STRN3: variants seen among roughly 807,000 people sequenced by gnomAD.
The protein encoded by STRN3 is striatin-3.
STRN3 carries 29 observed loss-of-function variants against 95.6 expected under a neutral mutation model. The observed-to-expected ratio is 0.30, with a 90% CI of 0.23 to 0.41. STRN3 has a LOEUF of 0.41. Among genes scored for constraint, STRN3 ranks in the 10% least tolerant of loss-of-function variants. The pLI is 1.00. For synonymous variants in STRN3, 331 were observed against 357.6 expected (o/e 0.93, Z 0.84); for missense variants, 890 against 972.1 (o/e 0.92, Z 1.12).
At chr14:30,981,576 T>TCACACACACACACACACACACACA (rs34644271) in intron 1 of STRN3, among the ~76,000 whole-genome samples, 2 of 145,298 alleles carry the variant, frequency 1.4e-5, no homozygotes, top group Admixed American at 6.9e-5. Flanking sequence ...AGCTTAGAAT[T>TCACACACACACACACACACACACA]CACACACACA....
intron 15 of STRN3, among the ~76,000 whole-genome samples, chr14:30,904,859 T>A (rs1012309602): frequency 6.6e-6 from 1 of 151,542 alleles, no homozygotes; most frequent in Non-Finnish European, 1.5e-5. Flanking sequence ...ACAGGAGAAC[T>A]GTGAATAGAA....
At chr14:31,024,054 G>A (rs1448112057) in intron 1 of STRN3, among the ~76,000 whole-genome samples, 1 of 152,176 alleles carries the variant, frequency 6.6e-6, no homozygotes, top group Non-Finnish European at 1.5e-5. Flanking sequence ...AGACCTAGAA[G>A]GGAAAGCAAA....
intron 1 of STRN3, among the ~76,000 whole-genome samples, chr14:30,956,800 G>A (rs145007634): frequency 2.4e-4 from 36 of 152,150 alleles, no homozygotes; most frequent in Admixed American, 6.5e-4. Flanking sequence ...AGATAAATAC[G>A]TCAGAAAATG....
intron 3 of STRN3, among the ~76,000 whole-genome samples, chr14:30,953,405 C>T (rs1879748468): frequency 1.3e-5 from 2 of 152,168 alleles, no homozygotes; most frequent in African/African-American, 2.4e-5. Context: ...TGTGATTAAA[C>T]CATGTTGTCA....
At chr14:30,938,852 T>C (rs751107021) in intron 5 of STRN3, among the ~76,000 whole-genome samples, 1 of 152,162 alleles carries the variant, frequency 6.6e-6, no homozygotes, top group African/African-American at 2.4e-5. Flanking sequence ...CAAATAAGCA[T>C]ATGAACAGAT....
intron 5 of STRN3, 136 bp downstream of exon 5, chr14:30,946,954 G>T: frequency 1.9e-6 from 1 of 539,558 alleles, no homozygotes; most frequent in Non-Finnish European, 2.9e-6. Context: ...ACTCCAGCTT[G>T]GGCGACAAGA....
intron 8 of STRN3, among the ~76,000 whole-genome samples, chr14:30,921,334 T>C (rs1896880171): frequency 6.6e-6 from 1 of 152,334 alleles, no homozygotes; most frequent in Middle Eastern, 3.4e-3. Flanking sequence ...AATGTAAAGT[T>C]AAAATCTTCT....
At chr14:31,006,893 C>T (rs1298509059) in intron 1 of STRN3, among the ~76,000 whole-genome samples, 1 of 152,028 alleles carries the variant, frequency 6.6e-6, no homozygotes, top group Non-Finnish European at 1.5e-5. Flanking sequence ...GAAAGACATG[C>T]TTGAACCCAG....
chr14:30,916,972 G>A (rs1896756512), intron 9 of STRN3, among the ~76,000 whole-genome samples: 1 of 152,302 alleles, frequency 6.6e-6, no homozygotes, highest in South Asian at 2.1e-4. Context: ...TAGGTCTCAA[G>A]TCTTTAGCAG....
At position 31,026,352 on chromosome 14, in the gene STRN3, T is replaced by C. The variant is rs1883935073; in HGVS notation, c.-167A>G. The stretch of plus-strand genomic sequence containing the variant: ...TGGGTCAGAGCAGGGAGCTGCCGGC[T>C]GCCGCCATTACAATCCCTCCTCCAT... On this transcript the variant is annotated 5_prime_UTR_variant, in exon 1 of 18. Coordinates refer to ENST00000357479, the MANE Select transcript of STRN3 (RefSeq NM_001083893.2). 3 of 408,298 alleles carry C rather than the reference T, an allele frequency of 7.3e-6. No individual in the cohort carries two copies. The highest frequency in any genetic ancestry group is 1.1e-5 in the Non-Finnish European group (3 of 277,588). The allele number at this position is 408,298 out of a possible 1,614,324, so 25.3% of individuals were successfully genotyped here.
chr14:30,920,319 A>G (rs1896848413), intron 8 of STRN3, among the ~76,000 whole-genome samples: 1 of 152,164 alleles, frequency 6.6e-6, no homozygotes, highest in Admixed American at 6.5e-5. Flanking sequence ...ACTAATAATA[A>G]TGAAGAAACT....
At chr14:30,900,362 A>T (rs1312151977) in intron 16 of STRN3, among the ~76,000 whole-genome samples, 2 of 149,452 alleles carry the variant, frequency 1.3e-5, no homozygotes, top group Non-Finnish European at 3.0e-5. Context: ...TCCATCTCAA[A>T]AAAAAAAAAA....
chr14:30,944,894 T>C (rs1879284943), intron 5 of STRN3, among the ~76,000 whole-genome samples: 1 of 152,148 alleles, frequency 6.6e-6, no homozygotes, highest in South Asian at 2.1e-4. Flanking sequence ...ATTACAGACA[T>C]GAGCTACTGT....
chr14:30,905,535 C>A lies in STRN3; in HGVS notation c.1912G>T (p.Asp638Tyr). ...TGAGCTGGATCACAGCCTATAAAGT[C>A]AACTGATGTAGGTATTCCATGCTCT... ...DKKHGIPTSV[D>Y]FIGCDPAHMV... The change falls in exon 15 of 18, where the codon GAC becomes TAC. Residue 638 changes from aspartate to tyrosine, a missense_variant. Asp to Tyr is a radical substitution (Grantham distance 160, BLOSUM62 -3). Coordinates refer to ENST00000357479, the MANE Select transcript of STRN3 (RefSeq NM_001083893.2). The A allele has an allele frequency of 6.2e-7, 1 of 1,604,932 alleles. No homozygotes were observed. The highest frequency in any genetic ancestry group is 1.1e-5 in the South Asian group (1 of 88,004).
chr14:30,921,065 T>TACACACACACACACACAC (rs1374593800), intron 8 of STRN3, among the ~76,000 whole-genome samples: 10 of 89,254 alleles, frequency 1.1e-4, no homozygotes, highest in African/African-American at 3.4e-4. Flanking sequence ...TTTCTACACA[T>TACACACACACACACACAC]ACATATACAC....
chr14:30,995,804 A>T (rs1367211975), intron 1 of STRN3, among the ~76,000 whole-genome samples: 1 of 152,260 alleles, frequency 6.6e-6, no homozygotes. Context: ...GGCTACATGT[A>T]GCAGACACTG....
At chr14:30,915,614 G>C (rs925862404) in intron 9 of STRN3, among the ~76,000 whole-genome samples, 1 of 152,080 alleles carries the variant, frequency 6.6e-6, no homozygotes, top group African/African-American at 2.4e-5. Flanking sequence ...TATGTTTAAG[G>C]ATAATTATAT....
intron 1 of STRN3, among the ~76,000 whole-genome samples, chr14:30,956,566 C>G (rs978126876): frequency 2.6e-5 from 4 of 152,010 alleles, no homozygotes; most frequent in African/African-American, 4.8e-5. Context: ...GAGACTCTGT[C>G]TCAAACAAAC....
Position 30,947,102 on chromosome 14 carries a change from T to C in STRN3, c.704A>G (p.Gln235Arg). The C allele has an allele frequency of 6.3e-7, 1 of 1,595,660 alleles. No homozygotes were observed. Among genetic ancestry groups the C allele is most frequent in the African/African-American group, 1.4e-5 (1 of 73,948 alleles). Residue 235 changes from glutamine to arginine, a missense_variant, in exon 5 of 18, where the codon CAA (glutamine) becomes CGA (arginine). Transcript: ENST00000357479. ...GTATAAATCATACCTTTTTATTTCT[T>C]GTCCCTTTTGCTTAGGAGATTCACC... ...NGGESPKQKG[Q>R]EIKRSSGDVL...
Sources: allele counts gnomAD v4.1 joint callset (sites outside exome capture counted in the v4.1 genomes callset), GRCh38; gene constraint gnomAD v4.1.1; transcripts MANE v1.5; gene names NCBI Gene and HGNC (gene_info 2026-07-23, HGNC 2026-07-21).